FCRLA: variants seen among roughly 807,000 people sequenced by gnomAD.
FCRLA encodes the protein Fc receptor-like A.
In FCRLA, 26 loss-of-function variants were observed where a neutral mutation model predicts 28.4. That is an observed-to-expected ratio of 0.91 (90% CI 0.67 to 1.27). The LOEUF is 1.27. FCRLA is among the 50% of genes most tolerant of loss of function. The pLI is 0.00. For synonymous variants in FCRLA, 174 were observed against 168.5 expected, an observed-to-expected ratio of 1.03 and a Z score of -0.25; for missense variants, 422 against 433.1, an observed-to-expected ratio of 0.97 and a Z score of 0.23.
rs931026305 is a variant in FCRLA, at chr1:161,710,253, G to C, written c.80-507G>C. On this transcript the variant is annotated intron_variant, in intron 1 of 4. Transcript: ENST00000236938. ...TGCTTAGTCTCTTTTTAAGCTTTGG[G>C]TATGTTAATTTGGTTTTCTAAGTGT... 5.1e-6 allele frequency: 3 copies of C among 583,810 alleles called. No homozygotes were observed. The African/African-American group carries it at 5.6e-5, about 11-fold the overall frequency. The allele number at this position is 583,810 out of a possible 1,614,324, so 36.2% of individuals were successfully genotyped here.
intron 3 of FCRLA, 98 bp from the exon 4 acceptor site, chr1:161,711,834 CAG>C: frequency 7.3e-7 from 1 of 1,370,254 alleles, no homozygotes; most frequent in East Asian, 2.3e-5. Flanking sequence ...CTGCTGGAAA[CAG>C]GGGAAAGGAA....
Position 161,711,958 on chromosome 1 carries a change from G to C in FCRLA, c.524G>C (p.Arg175Thr), listed in dbSNP as rs758479993. ...VQELFPAPIL[R>T]AVPSAEPQAG... ...GAACTGTTTCCAGCGCCAATTCTCA[G>C]AGCTGTACCCTCAGCTGAACCCCAA... Residue 175 changes from arginine (R) to threonine (T), a missense_variant, in exon 4 of 5, where the codon AGA becomes ACA. Coordinates refer to ENST00000236938, the MANE Select transcript of FCRLA (RefSeq NM_032738.4). The C allele has an allele frequency of 6.2e-7, 1 of 1,613,468 alleles. No individual in the cohort carries two copies. Among genetic ancestry groups the C allele is most frequent in the South Asian group, 1.1e-5 (1 of 90,992 alleles).
At chr1:161,709,744 G>C (rs1403177470) in intron 1 of FCRLA, among the ~76,000 whole-genome samples, 1 of 152,150 alleles carries the variant, frequency 6.6e-6, no homozygotes, top group Non-Finnish European at 1.5e-5. Context: ...GGGGAGAATA[G>C]TTAGGGAGAT....
intron 4 of FCRLA, 98 bp downstream of exon 4, chr1:161,712,316 G>A: frequency 1.4e-6 from 2 of 1,441,622 alleles, no homozygotes; most frequent in Non-Finnish European, 1.9e-6. Flanking sequence ...TTCAGTGTGA[G>A]CAGGTTAAGA....
chr1:161,710,570 C>T, intron 1 of FCRLA, 190 bp from the exon 2 acceptor site: 1 of 1,493,552 alleles, frequency 6.7e-7, no homozygotes, highest in African/African-American at 1.4e-5. Flanking sequence ...CACCTGGACG[C>T]CAGTGAATCA....
chr1:161,708,636 G>T (rs1682948211), intron 1 of FCRLA, among the ~76,000 whole-genome samples: 1 of 152,104 alleles, frequency 6.6e-6, no homozygotes, highest in African/African-American at 2.4e-5. Context: ...CCAGACTCTT[G>T]CCTGTCTCTA....
rs112128323 is a variant in FCRLA at position 161,710,300 on chromosome 1, G to C, written c.80-460G>C. 5.6e-3 allele frequency: 3,514 copies of C among 622,926 alleles called. 99 individuals are homozygous for C. In the African/African-American group the frequency reaches 0.057, roughly 10 times the overall value. 38.6% of individuals were successfully genotyped at this position (622,926 alleles called of 1,614,324 possible). ...GTGTGTTTCTTTAAGATTATAAAATGAGGATAAAGTCACCTACCTGGAAAG... is the reference window on the plus strand; with the variant it reads ...GTGTGTTTCTTTAAGATTATAAAATCAGGATAAAGTCACCTACCTGGAAAG... On this transcript the variant is annotated intron_variant, in intron 1 of 4. Transcript: ENST00000236938.
chr1:161,707,447 A>G (rs1251686578), intron 1 of FCRLA, 104 bp downstream of exon 1: 1 of 1,293,968 alleles, frequency 7.7e-7, no homozygotes, highest in Non-Finnish European at 1.1e-6. Flanking sequence ...CCTCCAAAGA[A>G]GCAGTATTCA....
rs768138226 is a variant in FCRLA at position 161,711,491 on chromosome 1, G to T, written c.499+17G>T. ...CAGTCCAAGGTGAGAGCTAGAAGCA[G>T]CATTGTCATGGCAGGGGAGGGTAAG... On this transcript the variant is annotated intron_variant, in intron 3 of 4. Transcript: ENST00000236938. 6 of 1,603,260 alleles carry T rather than the reference G, an allele frequency of 3.7e-6. No homozygotes were observed. The South Asian group carries it at 6.7e-5, about 18-fold the overall frequency.
Position 161,711,964 on chromosome 1 carries a change from T to C in FCRLA, c.530T>C (p.Val177Ala). ...ELFPAPILRAVPSAEPQAGSP... is the reference protein window; with the variant it reads ...ELFPAPILRAAPSAEPQAGSP... ...TTTCCAGCGCCAATTCTCAGAGCTG[T>C]ACCCTCAGCTGAACCCCAAGCAGGA... The change falls in exon 4 of 5, where the codon GTA becomes GCA. Residue 177 changes from valine (V) to alanine (A), a missense_variant. Around this residue, in one of 3 missense-constraint regions of FCRLA, gnomAD observed 231 missense variants for 214.6 expected, o/e 1.08. Transcript: ENST00000236938. The C allele has an allele frequency of 1.2e-6, 2 of 1,613,942 alleles. No homozygotes were observed. The highest frequency in any genetic ancestry group is 1.1e-5 in the South Asian group (1 of 91,044).
intron 3 of FCRLA, 56 bp from the exon 4 acceptor site, chr1:161,711,878 T>C: frequency 1.3e-6 from 2 of 1,537,688 alleles, no homozygotes; most frequent in Non-Finnish European, 1.8e-6. Flanking sequence ...CACCTGCATG[T>C]GTCTACCTGT....
chr1:161,710,006 C>T (rs1326031267), intron 1 of FCRLA, among the ~76,000 whole-genome samples: 1 of 152,048 alleles, frequency 6.6e-6, no homozygotes, highest in Non-Finnish European at 1.5e-5. Context: ...AAGTGAAGAC[C>T]TGCAAGGGGG....
intron 1 of FCRLA, among the ~76,000 whole-genome samples, chr1:161,707,599 G>A (rs1340980): frequency 0.59 from 90,024 of 152,018 alleles, 26,976 homozygotes; most frequent in East Asian, 0.82. Flanking sequence ...TCTTTCACTT[G>A]TGAGACAAGT....
Position 161,713,230 on chromosome 1 carries a change from G to T in FCRLA, c.930G>T (p.Leu310=). The change falls in exon 5 of 5, where the codon CTG becomes CTT. Residue 310 remains leucine (L), a synonymous_variant. Coordinates refer to ENST00000236938, the MANE Select transcript of FCRLA (RefSeq NM_032738.4). ...SSEDPGFSSP[L]GMPDPHLYHQ... is the part of the protein sequence containing the mutation. Reference sequence around the variant, plus strand: ...AGGATCCAGGCTTTTCTTCTCCTCTGGGGATGCCAGATCCTCATCTGTATC... The same window carrying T: ...AGGATCCAGGCTTTTCTTCTCCTCTTGGGATGCCAGATCCTCATCTGTATC... The T allele has an allele frequency of 6.2e-7, 1 of 1,614,206 alleles. No homozygotes were observed. Among genetic ancestry groups the T allele is most frequent in the South Asian group, 1.1e-5 (1 of 91,080 alleles).
chr1:161,710,645 T>G (rs1683048942), intron 1 of FCRLA, 115 bp from the exon 2 acceptor site: 3 of 1,461,256 alleles, frequency 2.1e-6, no homozygotes, highest in African/African-American at 2.8e-5. Flanking sequence ...GGTTTTGATG[T>G]CTTACTAGTC....
chr1:161,710,552 G>A, intron 1 of FCRLA: 2 of 1,528,362 alleles, frequency 1.3e-6, no homozygotes, highest in Admixed American at 3.9e-5. Flanking sequence ...CAGTGCATTT[G>A]CTGAGAGCAC....
chr1:161,713,506 T>C lies in FCRLA; in HGVS notation c.*126T>C, dbSNP rs576771596. ...TTGTCCCAGTGTTTTGTTAGAATAA[T>C]GTAGTTAGGTGAGTGTAAATAAATT... On this transcript the variant is annotated 3_prime_UTR_variant, in exon 5 of 5. Coordinates refer to ENST00000236938, the MANE Select transcript of FCRLA (RefSeq NM_032738.4). 4.0e-5 allele frequency: 29 copies of C among 721,250 alleles called. No homozygotes were observed. Among genetic ancestry groups the C allele is most frequent in the Admixed American group, 1.8e-4 (6 of 32,640 alleles). 44.7% of individuals were successfully genotyped at this position (721,250 alleles called of 1,614,324 possible).
At chr1:161,712,396 T>G (rs1195296530) in intron 4 of FCRLA, among the ~76,000 whole-genome samples, 178 bp downstream of exon 4, 92 of 152,138 alleles carry the variant, frequency 6.0e-4, no homozygotes, top group Non-Finnish European at 2.9e-5. Flanking sequence ...AATAGAGAAC[T>G]TCTCCCTCAG....
chr1:161,707,332 A>G lies in FCRLA; in HGVS notation c.68A>G (p.Gln23Arg). ...YLSLGVLWVA[Q>R]MLLAASFETL... ...TCCCTTGGTGTGCTCTGGGTGGCCC[A>G]GATGCTACTGGGTAAGTAAAATATT... The change falls in exon 1 of 5, where the codon CAG becomes CGG. Residue 23 changes from glutamine (Q) to arginine (R), a missense_variant. Physicochemically the swap from Gln to Arg is conservative, Grantham distance 43 (BLOSUM62 1). Around this residue, in one of 3 missense-constraint regions of FCRLA, gnomAD observed 231 missense variants for 214.6 expected, o/e 1.08. Transcript: ENST00000236938. 1 of 1,600,060 alleles carries G rather than the reference A, an allele frequency of 6.2e-7. No individual in the cohort carries two copies. The highest frequency in any genetic ancestry group is 8.5e-7 in the Non-Finnish European group (1 of 1,175,260).
Sources: gnomAD v4.1 joint callset for allele counts (sites outside exome capture counted in the v4.1 genomes callset) on GRCh38, gnomAD v4.1.1 for gene constraint, gnomAD v4.1.1 regional missense constraint, MANE v1.5 for transcripts, NCBI Gene and HGNC (gene_info 2026-07-23, HGNC 2026-07-21) for gene names.